Variants in COBLL1 observed in about 807,000 individuals in gnomAD.
COBLL1 encodes the protein cordon-bleu protein-like 1.
In COBLL1, 50 loss-of-function variants were observed where a neutral mutation model predicts 94.8. The ratio of observed to expected loss-of-function variants is 0.53; its 90% CI spans 0.42 to 0.67. The LOEUF (loss-of-function observed/expected upper bound fraction) is 0.67, where lower values mean the gene tolerates loss of function less well. COBLL1 is among the 30% of genes least tolerant of loss of function. COBLL1 has a pLI of 0.00. For synonymous variants in COBLL1, 448 were observed against 473.8 expected (o/e 0.95, Z 0.71); for missense variants, 1,362 against 1,348.7 (o/e 1.01, Z -0.15).
rs115127735 is a variant in COBLL1 at position 164,773,923 on chromosome 2, C to A, written c.42-30048G>T. 3.1e-3 allele frequency: 522 copies of A among 167,696 alleles called. 1 individual carries two copies. The highest frequency in any genetic ancestry group is 0.012 in the African/African-American group (502 of 41,798). 10.4% of individuals were successfully genotyped at this position (167,696 alleles called of 1,614,324 possible). On this transcript the variant is annotated intron_variant, in intron 2 of 13. Transcript: ENST00000652658. ...ATAATCATGTTAACATTTTCACAGG[C>A]TCTTTTTCTAAAGAGAATGTGCTTT...
At chr2:164,668,251 A>G (rs1489343105) in intron 1 of COBLL1, among the ~76,000 whole-genome samples, 1 of 151,738 alleles carries the variant, frequency 6.6e-6, no homozygotes, top group Non-Finnish European at 1.5e-5. Flanking sequence ...CGTGTGAGCC[A>G]CCACGCCCAG....
intron 2 of COBLL1, among the ~76,000 whole-genome samples, chr2:164,829,860 G>T (rs1268395711): frequency 2.0e-5 from 3 of 152,110 alleles, no homozygotes; most frequent in Non-Finnish European, 4.4e-5. Context: ...GTTCCCTAAG[G>T]TTTAAGAATA....
intron 11 of COBLL1, chr2:164,698,425 C>A (rs995492302): frequency 5.3e-5 from 8 of 150,300 alleles, no homozygotes; most frequent in Non-Finnish European, 1.0e-4. Flanking sequence ...TATGACATTG[C>A]GATTATCTAT....
chr2:164,758,513 G>A (rs1327569511), intron 2 of COBLL1, among the ~76,000 whole-genome samples: 1 of 152,092 alleles, frequency 6.6e-6, no homozygotes, highest in Non-Finnish European at 1.5e-5. Flanking sequence ...GCCCATACAA[G>A]TGTCAGCAGC....
intron 2 of COBLL1, among the ~76,000 whole-genome samples, chr2:164,807,101 T>C (rs985601561): frequency 6.6e-6 from 1 of 152,148 alleles, no homozygotes; most frequent in Non-Finnish European, 1.5e-5. Flanking sequence ...ACATTATTGT[T>C]CTCTTTTTCA....
chr2:164,697,678 A>G (rs891113040), intron 11 of COBLL1: 2 of 152,284 alleles, frequency 1.3e-5, no homozygotes, highest in East Asian at 1.9e-4. Flanking sequence ...TTTTAGAATT[A>G]TAAGTCTCTC....
chr2:164,658,555 T>C (rs1156472281), intron 2 of COBLL1, among the ~76,000 whole-genome samples: 1 of 152,218 alleles, frequency 6.6e-6, no homozygotes, highest in Non-Finnish European at 1.5e-5. Context: ...ATGTATGGCC[T>C]GCAGTGCAGG....
intron 2 of COBLL1, among the ~76,000 whole-genome samples, chr2:164,822,774 T>TATC (rs1404507640): frequency 8.0e-6 from 1 of 124,600 alleles, no homozygotes; most frequent in Non-Finnish European, 1.7e-5. Flanking sequence ...TTATTATTAT[T>TATC]ATTATTATTT....
intron 2 of COBLL1, among the ~76,000 whole-genome samples, chr2:164,810,652 C>T (rs537598348): frequency 1.3e-5 from 2 of 151,520 alleles, no homozygotes; most frequent in South Asian, 2.1e-4. Flanking sequence ...ATCACTAAAG[C>T]TCAAAATTTT....
intron 2 of COBLL1, among the ~76,000 whole-genome samples, chr2:164,811,475 G>A (rs1383700952): frequency 6.6e-6 from 1 of 151,882 alleles, no homozygotes; most frequent in Non-Finnish European, 1.5e-5. Context: ...TCTAAGATTT[G>A]ATGTCATCCT....
At chr2:164,830,227 C>T (rs1473686895) in intron 2 of COBLL1, among the ~76,000 whole-genome samples, 2 of 152,162 alleles carry the variant, frequency 1.3e-5, no homozygotes, top group African/African-American at 4.8e-5. Context: ...GTGTTCAAAC[C>T]CTTCCAAATA....
intron 3 of COBLL1, among the ~76,000 whole-genome samples, chr2:164,740,478 C>A (rs1209444170): frequency 6.6e-6 from 1 of 152,162 alleles, no homozygotes; most frequent in African/African-American, 2.4e-5. Context: ...TTGCTCTCTG[C>A]CTGGAGAAAA....
intron 2 of COBLL1, among the ~76,000 whole-genome samples, chr2:164,748,445 T>C (rs1363444983): frequency 6.6e-6 from 1 of 152,168 alleles, no homozygotes. Context: ...ATCATCTAAA[T>C]ATAGGAAATT....
At chr2:164,700,807 A>C (rs1473179224) in intron 9 of COBLL1, 51 bp from the exon 10 acceptor site, 2 of 1,131,922 alleles carry the variant, frequency 1.8e-6, no homozygotes, top group Admixed American at 4.2e-5. Context: ...CTCATTCATC[A>C]CATGCAATTC....
intron 1 of COBLL1, among the ~76,000 whole-genome samples, chr2:164,666,271 A>C (rs1691157384): frequency 6.6e-6 from 1 of 152,244 alleles, no homozygotes; most frequent in African/African-American, 2.4e-5. Flanking sequence ...TGCCCAGTAC[A>C]TATAAAAGTT....
chr2:164,750,309 C>T (rs1687064979), intron 2 of COBLL1, among the ~76,000 whole-genome samples: 1 of 152,116 alleles, frequency 6.6e-6, no homozygotes, highest in South Asian at 2.1e-4. Context: ...CTATATTATT[C>T]CCCATCTCTA....
At chr2:164,774,043 A>G (rs1688342763) in intron 2 of COBLL1, among the ~76,000 whole-genome samples, 1 of 152,214 alleles carries the variant, frequency 6.6e-6, no homozygotes, top group Admixed American at 6.5e-5. Flanking sequence ...AAAGTTATAA[A>G]TGCAGATTCT....
chr2:164,730,333 TAA>T (rs111508553), intron 3 of COBLL1, among the ~76,000 whole-genome samples: 1 of 143,664 alleles, frequency 7.0e-6, no homozygotes. Flanking sequence ...CTACAAAAAA[TAA>T]AAAAAAAAAA....
chr2:164,826,761 A>C (rs920443919), intron 2 of COBLL1, among the ~76,000 whole-genome samples: 1 of 152,194 alleles, frequency 6.6e-6, no homozygotes, highest in Non-Finnish European at 1.5e-5. Context: ...TGCCAAGTGC[A>C]CTGTTTCATT....
Sources: allele counts gnomAD v4.1 joint callset (sites outside exome capture counted in the v4.1 genomes callset), GRCh38; gene constraint gnomAD v4.1.1; transcripts MANE v1.5; gene names NCBI Gene and HGNC (gene_info 2026-07-23, HGNC 2026-07-21).